Variants in RPRD1B observed in about 807,000 individuals in gnomAD.
RPRD1B encodes the protein regulation of nuclear pre-mRNA domain containing 1B, also known as regulation of nuclear pre-mRNA domain-containing protein 1B.
In RPRD1B, 11 loss-of-function variants were observed where a neutral mutation model predicts 41.5. The ratio of observed to expected loss-of-function variants is 0.27; its 90% CI spans 0.17 to 0.44. The LOEUF is 0.44. Among genes scored for constraint, RPRD1B ranks in the 20% least tolerant of loss-of-function variants. RPRD1B has a pLI of 1.00. For missense variants in RPRD1B, 248 were observed against 389.9 expected (o/e 0.64, Z 3.06); for synonymous variants, 158 against 155.6 (o/e 1.02, Z -0.12).
At chr20:38,080,052 A>AT (rs1460169233) in intron 6 of RPRD1B, among the ~76,000 whole-genome samples, 1 of 152,068 alleles carries the variant, frequency 6.6e-6, no homozygotes, top group Non-Finnish European at 1.5e-5. Flanking sequence ...TCCTTTACCT[A>AT]TTTTTAATGG....
At chr20:38,036,016 G>A (rs1356714137) in intron 1 of RPRD1B, among the ~76,000 whole-genome samples, 2 of 151,846 alleles carry the variant, frequency 1.3e-5, no homozygotes, top group South Asian at 2.1e-4. Context: ...CCCCCGCCTC[G>A]GCCTCCCAAA....
intron 6 of RPRD1B, among the ~76,000 whole-genome samples, chr20:38,076,905 C>CTTTTTTT (rs1568660539): frequency 1.5e-4 from 14 of 95,200 alleles, no homozygotes; most frequent in African/African-American, 4.9e-4. Flanking sequence ...TCATTCTGGA[C>CTTTTTTT]CTTTTTTTTT....
intron 6 of RPRD1B, among the ~76,000 whole-genome samples, chr20:38,079,939 T>C (rs2074498604): frequency 6.6e-6 from 1 of 152,218 alleles, no homozygotes; most frequent in Non-Finnish European, 1.5e-5. Context: ...TGGTATCTCA[T>C]TGTGGTTTTG....
chr20:38,091,645 G>A lies in RPRD1B; in HGVS notation c.*1770G>A, dbSNP rs999356255. 3.0e-5 allele frequency: 30 copies of A among 985,448 alleles called. No homozygotes were observed. The highest frequency in any genetic ancestry group is 9.4e-5 in the South Asian group (2 of 21,294). The allele number at this position is 985,448 out of a possible 1,614,324, so 61.0% of individuals were successfully genotyped here. ...CTCCCCAACCTCTCCCCCACCCCCC[G>A]TGGTGTGCTGCTTTCTAGATGAGCG... On this transcript the variant is annotated 3_prime_UTR_variant, in exon 7 of 7. Transcript: ENST00000373433.
chr20:38,083,534 C>T (rs1370318727), intron 6 of RPRD1B, among the ~76,000 whole-genome samples: 1 of 152,176 alleles, frequency 6.6e-6, no homozygotes, highest in Non-Finnish European at 1.5e-5. Flanking sequence ...CCAGTAGAAG[C>T]TCCCTTATCA....
chr20:38,052,520 T>TTAA (rs1870819286), intron 3 of RPRD1B, among the ~76,000 whole-genome samples: 1 of 152,180 alleles, frequency 6.6e-6, no homozygotes, highest in South Asian at 2.1e-4. Flanking sequence ...ATGTGCCTTA[T>TTAA]TAAAATGTCC....
At chr20:38,080,742 C>G (rs1044449167) in intron 6 of RPRD1B, among the ~76,000 whole-genome samples, 8 of 152,302 alleles carry the variant, frequency 5.3e-5, no homozygotes, top group African/African-American at 1.7e-4. Context: ...CCAGCCTGGT[C>G]TCGAACTCCT....
chr20:38,074,799 A>C (rs2074443618), intron 6 of RPRD1B, among the ~76,000 whole-genome samples: 1 of 152,200 alleles, frequency 6.6e-6, no homozygotes, highest in African/African-American at 2.4e-5. Flanking sequence ...CATCAGAGGA[A>C]ACTTAGCAAA....
At chr20:38,058,295 T>C (rs2074263915) in intron 4 of RPRD1B, among the ~76,000 whole-genome samples, 1 of 152,224 alleles carries the variant, frequency 6.6e-6, no homozygotes, top group African/African-American at 2.4e-5. Context: ...AACAGCTTTA[T>C]TACACATGGT....
chr20:38,091,056 T>C lies in RPRD1B; in HGVS notation c.*1181T>C. Reference sequence around the variant, plus strand: ...GTCAGCTGACATTATGACTATATAATGTAGTTAGAGACAATTTTTATCTTG... The same window carrying C: ...GTCAGCTGACATTATGACTATATAACGTAGTTAGAGACAATTTTTATCTTG... On this transcript the variant is annotated 3_prime_UTR_variant, in exon 7 of 7. Coordinates refer to ENST00000373433, the MANE Select transcript of RPRD1B (RefSeq NM_021215.4). The C allele has an allele frequency of 1.0e-6, 1 of 985,762 alleles. No individual in the cohort carries two copies. Among genetic ancestry groups the C allele is most frequent in the South Asian group, 4.7e-5 (1 of 21,286 alleles). The allele number at this position is 985,762 out of a possible 1,614,324, so 61.1% of individuals were successfully genotyped here. A position where few individuals can be genotyped will look rare whatever the true frequency, so the allele number is the denominator to read the frequency against.
intron 2 of RPRD1B, among the ~76,000 whole-genome samples, chr20:38,046,018 T>G (rs961941145): frequency 6.6e-6 from 1 of 152,230 alleles, no homozygotes; most frequent in Non-Finnish European, 1.5e-5. Flanking sequence ...CCCCATATAC[T>G]TCAGCTACTT....
chr20:38,063,752 G>A (rs2074324734), intron 5 of RPRD1B, among the ~76,000 whole-genome samples: 1 of 152,184 alleles, frequency 6.6e-6, no homozygotes, highest in South Asian at 2.1e-4. Flanking sequence ...AGGACTGGCC[G>A]AAAGAGGCAC....
Position 38,050,679 on chromosome 20 carries a change from G to T in RPRD1B, c.415+2198G>T, listed in dbSNP as rs528407023. On this transcript the variant is annotated intron_variant, in intron 3 of 6. Coordinates refer to ENST00000373433, the MANE Select transcript of RPRD1B (RefSeq NM_021215.4). ...TAGGTTTGCACTCTGGGAATGTGTGGAATTTGTGGCAGTGATAGTATTGGG... is the reference window on the plus strand; with the variant it reads ...TAGGTTTGCACTCTGGGAATGTGTGTAATTTGTGGCAGTGATAGTATTGGG... Among the ~76,000 whole-genome samples the T allele has an allele frequency of 9.8e-4, 150 of 152,328 alleles. 1 individual carries two copies. The highest frequency in any genetic ancestry group is 3.5e-3 in the African/African-American group (144 of 41,578).
chr20:38,053,725 A>T (rs1346847065), intron 3 of RPRD1B, among the ~76,000 whole-genome samples: 6 of 152,218 alleles, frequency 3.9e-5, no homozygotes, highest in Admixed American at 3.9e-4. Context: ...TACAGGTTCC[A>T]CATCTGTGGA....
At chr20:38,035,733 G>A (rs1265781708) in intron 1 of RPRD1B, among the ~76,000 whole-genome samples, 1 of 151,906 alleles carries the variant, frequency 6.6e-6, no homozygotes, top group Non-Finnish European at 1.5e-5. Context: ...GACCTCAAGA[G>A]GCAGTTAAAG....
intron 3 of RPRD1B, 80 bp from the exon 4 acceptor site, chr20:38,057,452 C>A: frequency 2.2e-6 from 2 of 913,936 alleles, no homozygotes; most frequent in Non-Finnish European, 3.6e-6. Flanking sequence ...CCTGTTTTTA[C>A]ATGTGGCCCA....
intron 3 of RPRD1B, among the ~76,000 whole-genome samples, chr20:38,055,650 G>A (rs6063979): frequency 0.27 from 40,619 of 151,914 alleles, 7,371 homozygotes; most frequent in African/African-American, 0.52. Context: ...TTTCAGTTCC[G>A]GCATTAGCTT....
At chr20:38,061,808 C>T (rs989584147) in intron 5 of RPRD1B, among the ~76,000 whole-genome samples, 1 of 152,196 alleles carries the variant, frequency 6.6e-6, no homozygotes, top group Non-Finnish European at 1.5e-5. Context: ...ATTATTTCTT[C>T]TTCCTGAAAA....
chr20:38,048,267 CTTTT>C, intron 2 of RPRD1B, 77 bp from the exon 3 acceptor site: 1 of 1,209,958 alleles, frequency 8.3e-7, no homozygotes, highest in Non-Finnish European at 1.1e-6. Flanking sequence ...TTGTTGATTT[CTTTT>C]TTTTTTAAGT....
Sources: gnomAD v4.1 joint callset for allele counts (sites outside exome capture counted in the v4.1 genomes callset) on GRCh38, gnomAD v4.1.1 for gene constraint, MANE v1.5 for transcripts, NCBI Gene and HGNC (gene_info 2026-07-23, HGNC 2026-07-21) for gene names.